CYTH1: variants seen among roughly 807,000 people sequenced by gnomAD.
CYTH1 encodes cytohesin-1.
CYTH1 carries 18 observed loss-of-function variants against 61.8 expected under a neutral mutation model. That is an observed-to-expected ratio of 0.29 (90% confidence interval 0.20 to 0.43). CYTH1 has a LOEUF of 0.43. CYTH1 is among the 20% of genes least tolerant of loss of function. CYTH1 has a pLI of 1.00. For synonymous variants in CYTH1, 174 were observed against 184.3 expected (o/e 0.94, Z 0.45); for missense variants, 336 against 510.5 (o/e 0.66, Z 3.29).
At chr17:78,681,635 C>T (rs1598813204) in intron 11 of CYTH1, among the ~76,000 whole-genome samples, 1 of 152,290 alleles carries the variant, frequency 6.6e-6, no homozygotes, top group Admixed American at 6.5e-5. Flanking sequence ...ACAGAGGGCA[C>T]GGCACCGCAG....
At chr17:78,698,788 G>C in intron 8 of CYTH1, 32 bp downstream of exon 8, 4 of 1,539,572 alleles carry the variant, frequency 2.6e-6, no homozygotes, top group Non-Finnish European at 3.5e-6. Context: ...ACTCTTTCTT[G>C]ACTTGAATGA....
At chr17:78,734,148 G>A (rs984098432) in intron 1 of CYTH1, among the ~76,000 whole-genome samples, 2 of 151,888 alleles carry the variant, frequency 1.3e-5, no homozygotes, top group African/African-American at 4.8e-5. Context: ...TACTCAGGAG[G>A]CTGAGGCAGG....
chr17:78,698,567 C>A (rs1026353729), intron 8 of CYTH1, among the ~76,000 whole-genome samples, 187 bp from the exon 9 acceptor site: 2 of 152,124 alleles, frequency 1.3e-5, no homozygotes, highest in Admixed American at 1.3e-4. Context: ...AATAAGCCTT[C>A]CCAATTAGGA....
chr17:78,746,382 C>T, intron 1 of CYTH1, among the ~76,000 whole-genome samples: 1 of 152,112 alleles, frequency 6.6e-6, no homozygotes, highest in Non-Finnish European at 1.5e-5. Flanking sequence ...TCCTCTATTC[C>T]TCACCATGTA....
chr17:78,762,216 T>C (rs1303943016), intron 1 of CYTH1, among the ~76,000 whole-genome samples: 1 of 152,234 alleles, frequency 6.6e-6, no homozygotes. Context: ...CATAACCTTC[T>C]GACTCAAGAT....
chr17:78,761,177 C>T (rs1258829946), intron 1 of CYTH1, among the ~76,000 whole-genome samples: 1 of 152,090 alleles, frequency 6.6e-6, no homozygotes, highest in Non-Finnish European at 1.5e-5. Flanking sequence ...CTACAATAAA[C>T]ACCCTTGTGC....
At chr17:78,719,066 C>G (rs750630238) in intron 1 of CYTH1, among the ~76,000 whole-genome samples, 4 of 152,146 alleles carry the variant, frequency 2.6e-5, no homozygotes, top group Non-Finnish European at 4.4e-5. Context: ...TGCATGTTAA[C>G]GAGGGATCAT....
At chr17:78,716,016 G>A (rs1031839101) in intron 1 of CYTH1, among the ~76,000 whole-genome samples, 2 of 152,156 alleles carry the variant, frequency 1.3e-5, no homozygotes, top group Non-Finnish European at 2.9e-5. Context: ...TCATGAACAA[G>A]AAACCCACGC....
chr17:78,749,922 A>G (rs1372829748), intron 1 of CYTH1, among the ~76,000 whole-genome samples: 2 of 152,216 alleles, frequency 1.3e-5, no homozygotes, highest in African/African-American at 4.8e-5. Flanking sequence ...ACTATTACCC[A>G]AAGAAATACC....
intron 1 of CYTH1, among the ~76,000 whole-genome samples, chr17:78,776,545 G>A (rs2093491809): frequency 6.6e-6 from 1 of 151,514 alleles, no homozygotes; most frequent in Non-Finnish European, 1.5e-5. Flanking sequence ...TGTTGTCCCA[G>A]CTACTCAGGA....
intron 1 of CYTH1, among the ~76,000 whole-genome samples, chr17:78,760,382 T>TACACACACAC (rs1273827734): frequency 3.9e-5 from 2 of 51,686 alleles, no homozygotes; most frequent in Non-Finnish European, 7.4e-5. Context: ...TATATATATA[T>TACACACACAC]ATACACACAC....
intron 9 of CYTH1, among the ~76,000 whole-genome samples, chr17:78,697,660 T>C (rs527854202): frequency 7.3e-4 from 109 of 149,636 alleles, no homozygotes; most frequent in African/African-American, 2.6e-3. Flanking sequence ...GTGCTGTGGA[T>C]TGAGCTGCAG....
Position 78,702,229 on chromosome 17 carries a change from G to A in CYTH1, c.249C>T (p.Phe83=). The A allele has an allele frequency of 6.2e-7, 1 of 1,613,410 alleles. No homozygotes were observed. The highest frequency in any genetic ancestry group is 8.5e-7 in the Non-Finnish European group (1 of 1,179,502). The change falls in exon 5 of 14, where the codon TTC becomes TTT. Residue 83 remains phenylalanine (F), a synonymous_variant. Coordinates refer to ENST00000446868, the MANE Select transcript of CYTH1 (RefSeq NM_004762.6). ...FNMDPKKGIQ[F]LIENDLLKNT... is the part of the protein sequence containing the mutation. ...TCTTCAGGAGGTCGTTCTCTATTAAGAACTGGATCCCCTAGAAAAAGACAA... is the reference window on the plus strand; with the variant it reads ...TCTTCAGGAGGTCGTTCTCTATTAAAAACTGGATCCCCTAGAAAAAGACAA...
intron 1 of CYTH1, among the ~76,000 whole-genome samples, chr17:78,709,987 A>C (rs1259762873): frequency 6.6e-6 from 1 of 152,242 alleles, no homozygotes; most frequent in African/African-American, 2.4e-5. Context: ...TGAAGGTTAA[A>C]TTAGGTTGGC....
At chr17:78,724,941 A>G (rs1462567588) in intron 1 of CYTH1, among the ~76,000 whole-genome samples, 2 of 152,248 alleles carry the variant, frequency 1.3e-5, no homozygotes, top group African/African-American at 4.8e-5. Flanking sequence ...TCAAGAGAGT[A>G]GTACTTATTT....
chr17:78,705,908 G>C (rs1423087933), intron 3 of CYTH1, among the ~76,000 whole-genome samples: 3 of 152,092 alleles, frequency 2.0e-5, no homozygotes, highest in African/African-American at 7.2e-5. Context: ...AACTGACAGA[G>C]AATTAATCAA....
chr17:78,708,051 G>C, intron 3 of CYTH1, 146 bp downstream of exon 3: 1 of 742,236 alleles, frequency 1.3e-6, no homozygotes, highest in Non-Finnish European at 2.2e-6. Context: ...ATGGAAGGCA[G>C]ACATTATGGG....
At chr17:78,692,628 G>A (rs2092900127) in intron 10 of CYTH1, 135 bp from the exon 11 acceptor site, 1 of 709,618 alleles carries the variant, frequency 1.4e-6, no homozygotes, top group Non-Finnish European at 2.4e-6. Context: ...CCACAACATT[G>A]ACATCAGTAA....
intron 1 of CYTH1, among the ~76,000 whole-genome samples, chr17:78,742,748 G>A (rs1260779094): frequency 2.0e-5 from 3 of 152,110 alleles, no homozygotes; most frequent in Non-Finnish European, 2.9e-5. Flanking sequence ...CCAGCTACTC[G>A]GGAGGCTGAG....
Sources: allele counts gnomAD v4.1 joint callset (sites outside exome capture counted in the v4.1 genomes callset), GRCh38; gene constraint gnomAD v4.1.1; transcripts MANE v1.5; gene names NCBI Gene and HGNC (gene_info 2026-07-23, HGNC 2026-07-21).